PRKCA: variants seen among roughly 807,000 people sequenced by gnomAD.
PRKCA encodes protein kinase C alpha type.
A neutral mutation model predicts 87.0 loss-of-function variants in PRKCA; 27 were observed. The ratio of observed to expected loss-of-function variants is 0.31; its 90% CI spans 0.23 to 0.43. The LOEUF is 0.43. Among genes scored for constraint, PRKCA ranks in the 20% least tolerant of loss-of-function variants. PRKCA has a pLI of 1.00. For synonymous variants in PRKCA, 329 were observed against 311.1 expected (o/e 1.06, Z -0.61); for missense variants, 518 against 852.3 (o/e 0.61, Z 4.88).
chr17:66,677,229 G>C (rs1327854298), intron 5 of PRKCA: 1 of 152,036 alleles, frequency 6.6e-6, no homozygotes, highest in Non-Finnish European at 1.5e-5. Flanking sequence ...ACAGGCGCAC[G>C]CTGCTACACC....
chr17:66,784,168 A>G (rs988474479), intron 14 of PRKCA, among the ~76,000 whole-genome samples: 3 of 152,080 alleles, frequency 2.0e-5, no homozygotes, highest in African/African-American at 7.2e-5. Context: ...GCACATTTAC[A>G]TTGCAGAGAG....
At chr17:66,492,768 A>G (rs1431248278) in intron 2 of PRKCA, among the ~76,000 whole-genome samples, 2 of 152,240 alleles carry the variant, frequency 1.3e-5, no homozygotes, top group African/African-American at 2.4e-5. Flanking sequence ...TTTGCAATCA[A>G]GATGCTTTTA....
chr17:66,516,812 C>T (rs557908959), intron 3 of PRKCA, among the ~76,000 whole-genome samples: 2 of 152,246 alleles, frequency 1.3e-5, no homozygotes, highest in South Asian at 2.1e-4. Context: ...AGCAACAGAA[C>T]AAGGACTGCA....
chr17:66,583,808 G>T (rs932743510), intron 3 of PRKCA, among the ~76,000 whole-genome samples: 2 of 152,184 alleles, frequency 1.3e-5, no homozygotes, highest in African/African-American at 4.8e-5. Context: ...GCCTGAAGCT[G>T]TTACAGTCTG....
chr17:66,570,222 G>A (rs920420977), intron 3 of PRKCA, among the ~76,000 whole-genome samples: 4 of 152,202 alleles, frequency 2.6e-5, no homozygotes, highest in Admixed American at 6.5e-5. Flanking sequence ...TCTTGCTGGG[G>A]AGAAGAGTGA....
chr17:66,311,279 TG>T (rs2143141116), intron 2 of PRKCA, among the ~76,000 whole-genome samples: 1 of 152,290 alleles, frequency 6.6e-6, no homozygotes, highest in East Asian at 1.9e-4. Context: ...TGGTCAGTAA[TG>T]CCTGAATTAC....
At position 66,306,203 on chromosome 17, in the gene PRKCA, C is replaced by A. The variant is rs199613838; in HGVS notation, c.205+76C>A. 2.2e-5 allele frequency: 30 copies of A among 1,385,260 alleles called. No homozygotes were observed. In the East Asian group the frequency reaches 4.9e-4, roughly 23 times the overall value. 85.8% of individuals were successfully genotyped at this position (1,385,260 alleles called of 1,614,324 possible). A position where few individuals can be genotyped will look rare whatever the true frequency, so the allele number is the denominator to read the frequency against. On this transcript the variant is annotated intron_variant, in intron 2 of 16. Coordinates refer to ENST00000413366, the MANE Select transcript of PRKCA (RefSeq NM_002737.3). ...TCCAAACAAGAACATTATTTCCAGT[C>A]ATATTTTCTTTCCAATAAAAAAATG...
intron 2 of PRKCA, among the ~76,000 whole-genome samples, chr17:66,340,387 T>C (rs1336965127): frequency 1.3e-5 from 2 of 151,520 alleles, no homozygotes; most frequent in South Asian, 2.1e-4. Flanking sequence ...TTTCTTTTTT[T>C]TTTTTGGCTT....
intron 3 of PRKCA, among the ~76,000 whole-genome samples, chr17:66,565,195 A>T (rs8071518): frequency 0.11 from 17,371 of 152,124 alleles, 1,075 homozygotes; most frequent in East Asian, 0.16. Context: ...CTTGTGCAAC[A>T]TGGGGTCAGA....
At chr17:66,619,890 C>T (rs964550338) in intron 3 of PRKCA, among the ~76,000 whole-genome samples, 15 of 131,884 alleles carry the variant, frequency 1.1e-4, no homozygotes, top group Admixed American at 2.3e-4. Context: ...TTAATCACCT[C>T]GTTGAGGTTA....
chr17:66,453,764 A>T (rs1174554219), intron 2 of PRKCA, among the ~76,000 whole-genome samples: 1 of 152,154 alleles, frequency 6.6e-6, no homozygotes, highest in African/African-American at 2.4e-5. Context: ...TCTGACTAAC[A>T]TTGGGTTTTA....
intron 2 of PRKCA, among the ~76,000 whole-genome samples, chr17:66,435,429 G>A (rs73993690): frequency 0.05 from 7,560 of 152,290 alleles, 214 homozygotes; most frequent in Admixed American, 0.079. Context: ...TCGTGTGGGT[G>A]TGATGGTGCT....
intron 3 of PRKCA, among the ~76,000 whole-genome samples, chr17:66,636,852 ACAGTCCTGCTAAGTGCTCTTCT>A: frequency 1.3e-5 from 2 of 152,338 alleles, no homozygotes; most frequent in South Asian, 4.1e-4. Flanking sequence ...ACAGGTCTCC[ACAGTCCTGCTAAGTGCTCTTCT>A]CATAGGAGAC....
At chr17:66,393,264 T>C (rs1332911790) in intron 2 of PRKCA, among the ~76,000 whole-genome samples, 2 of 152,142 alleles carry the variant, frequency 1.3e-5, no homozygotes, top group Non-Finnish European at 2.9e-5. Flanking sequence ...GACTTTACAT[T>C]GGAGGAAGAT....
In PRKCA at chr17:66,688,293, G is replaced by A; in HGVS notation, c.687-9G>A. 1 of 1,613,882 alleles carries A rather than the reference G, an allele frequency of 6.2e-7. No homozygotes were observed. The highest frequency in any genetic ancestry group is 8.5e-7 in the Non-Finnish European group (1 of 1,179,942). On this transcript the variant is annotated splice_polypyrimidine_tract_variant and intron_variant, in intron 6 of 16. Transcript: ENST00000413366. ...TAACCTAGTGTTTGCATGTGTGTGT[G>A]TCTTGTAGCAAATTGAAACCTTCAG... is the stretch of plus-strand genomic sequence containing the variant.
intron 5 of PRKCA, among the ~76,000 whole-genome samples, chr17:66,663,417 G>A (rs915834735): frequency 6.6e-5 from 10 of 152,304 alleles, no homozygotes; most frequent in Middle Eastern, 3.4e-3. Context: ...AATCTCCTGG[G>A]TTATTTCAGT....
chr17:66,341,867 A>G (rs1050102834), intron 2 of PRKCA, among the ~76,000 whole-genome samples: 8 of 152,270 alleles, frequency 5.3e-5, no homozygotes, highest in African/African-American at 1.9e-4. Flanking sequence ...AGAAAGGCTT[A>G]TAAAATTGTG....
At chr17:66,746,302 C>T (rs959075915) in intron 13 of PRKCA, among the ~76,000 whole-genome samples, 2 of 151,594 alleles carry the variant, frequency 1.3e-5, no homozygotes, top group Non-Finnish European at 2.9e-5. Flanking sequence ...CAGGTGTGTG[C>T]CACCACCTGT....
In PRKCA at chr17:66,735,597, C is replaced by T. The variant is rs1199673071; in HGVS notation, c.1165C>T (p.Arg389Ter). The change falls in exon 10 of 17, where the codon CGA (arginine) becomes TGA (stop). Residue 389 changes from arginine to a stop codon, truncating the protein, a stop_gained. Transcript: ENST00000413366. LOFTEE classifies it high-confidence loss of function. Reference protein sequence around the residue: ...DDVECTMVEKRVLALLDKPPF... With the variant: ...DDVECTMVEK ...CGTGGAGTGCACCATGGTAGAAAAG[C>T]GAGTCTTGGCCCTGCTTGACAAACC... 4 of 1,614,022 alleles carry T rather than the reference C, an allele frequency of 2.5e-6. No homozygotes were observed. The highest frequency in any genetic ancestry group is 1.1e-5 in the South Asian group (1 of 91,088).
Sources: allele counts gnomAD v4.1 joint callset (sites outside exome capture counted in the v4.1 genomes callset), GRCh38; gene constraint gnomAD v4.1.1; transcripts MANE v1.5; gene names NCBI Gene and HGNC (gene_info 2026-07-23, HGNC 2026-07-21).